The following SYNE1 variants were observed in gnomAD, a reference collection of about 807,000 sequenced individuals.
SYNE1 encodes nesprin-1.
In SYNE1, 616 loss-of-function variants were observed where a neutral mutation model predicts 1,111.0. The ratio of observed to expected loss-of-function variants is 0.55; its 90% CI spans 0.52 to 0.59. SYNE1 has a LOEUF of 0.59. Ranked by LOEUF, SYNE1 falls within the 20% of genes least tolerant of loss-of-function variation. The pLI is 0.00. For synonymous variants in SYNE1, 3,855 were observed against 3,825.8 expected (o/e 1.01, Z -0.28); for missense variants, 10,006 against 10,417.0 (o/e 0.96, Z 1.72).
chr6:152,411,746 C>A (rs905588629), intron 42 of SYNE1, among the ~76,000 whole-genome samples: 1 of 151,466 alleles, frequency 6.6e-6, no homozygotes, highest in Non-Finnish European at 1.5e-5. Context: ...CACACACACA[C>A]AGAGATGGCT....
intron 3 of SYNE1, among the ~76,000 whole-genome samples, chr6:152,550,135 C>A (rs986133146): frequency 7.2e-5 from 11 of 152,038 alleles, no homozygotes; most frequent in African/African-American, 2.7e-4. Flanking sequence ...TGAAAAGTGA[C>A]AAAATATAGT....
chr6:152,160,325 A>G (rs1315294538), intron 131 of SYNE1, among the ~76,000 whole-genome samples: 1 of 151,880 alleles, frequency 6.6e-6, no homozygotes, highest in Non-Finnish European at 1.5e-5. Context: ...AACTAATAAA[A>G]CTCCTTCCGG....
chr6:152,358,397 A>G lies in SYNE1; in HGVS notation c.10584T>C (p.His3528=). 6.2e-7 allele frequency: 1 copy of G among 1,612,812 alleles called. No homozygotes were observed. The highest frequency in any genetic ancestry group is 8.5e-7 in the Non-Finnish European group (1 of 1,178,828). Residue 3528 remains histidine (H), a synonymous_variant, in exon 66 of 146, where the codon CAT becomes CAC. Coordinates refer to ENST00000367255, the MANE Select transcript of SYNE1 (RefSeq NM_182961.4). ...YSVLEGDAHT[H]ETTLRDLQEL... is the part of the protein sequence containing the mutation. ...CCTGAAGATCACGCAATGTTGTCTC[A>G]TGAGTGTGGGCATCACCTTCAAGAA...
chr6:152,386,738 G>A (rs1057146040), intron 54 of SYNE1, among the ~76,000 whole-genome samples: 3 of 152,070 alleles, frequency 2.0e-5, no homozygotes, highest in Non-Finnish European at 4.4e-5. Flanking sequence ...ACAAATATAA[G>A]TGTAGCAAAA....
chr6:152,417,092 T>C, intron 40 of SYNE1, 77 bp from the exon 41 acceptor site: 1 of 1,594,296 alleles, frequency 6.3e-7, no homozygotes, highest in Non-Finnish European at 8.5e-7. Flanking sequence ...GGATTTGTGA[T>C]GTGAAGATCT....
At position 152,371,909 on chromosome 6, in the gene SYNE1, A is replaced by AC. The variant is rs2097194947; in HGVS notation, c.9507+1127_9507+1128insG. The stretch of plus-strand genomic sequence containing the variant: ...AAAGGAAAGGAAAGGAAAGGAAAGG[A>AC]AAGGAAAGGAAAGGACAGGACAGGA... On this transcript the variant is annotated intron_variant, in intron 59 of 145. Coordinates refer to ENST00000367255, the MANE Select transcript of SYNE1 (RefSeq NM_182961.4). Among the ~76,000 whole-genome samples the AC allele has an allele frequency of 1.0e-3, 71 of 70,034 alleles. 6 individuals carry two copies. The highest frequency in any genetic ancestry group is 2.5e-3 in the African/African-American group (60 of 23,994). 45.9% of individuals were successfully genotyped at this position (70,034 alleles called of 152,430 possible).
chr6:152,402,274 A>G (rs531567538), intron 46 of SYNE1: 1 of 152,428 alleles, frequency 6.6e-6, no homozygotes, highest in South Asian at 2.1e-4. Context: ...GAAGTTCCCT[A>G]GACACGACAG....
rs1320012360 is a variant in SYNE1 at position 152,256,750 on chromosome 6, T to A, written c.18988A>T (p.Asn6330Tyr). 2 of 1,613,870 alleles carry A rather than the reference T, an allele frequency of 1.2e-6. No homozygotes were observed. The highest frequency in any genetic ancestry group is 1.7e-6 in the Non-Finnish European group (2 of 1,179,820). The change falls in exon 102 of 146, where the codon AAT becomes TAT. Residue 6330 changes from asparagine (N) to tyrosine (Y), a missense_variant. Asn to Tyr is a moderately radical substitution (Grantham distance 143). Coordinates refer to ENST00000367255, the MANE Select transcript of SYNE1 (RefSeq NM_182961.4). ...AGTGGCACACCAGACAAGAGTCGAT[T>A]TGGCCTGCTATAAAGCTGTAGGCAA... ...EQEQVLYSRP[N>Y]RLLSGVPLYK...
At chr6:152,429,103 A>AATAATAAT (rs1466804451) in intron 36 of SYNE1, among the ~76,000 whole-genome samples, 1 of 143,312 alleles carries the variant, frequency 7.0e-6, no homozygotes, top group Non-Finnish European at 1.6e-5. Flanking sequence ...TAATAATAAT[A>AATAATAAT]ATAATAATAA....
At chr6:152,371,925 C>CAGGAA (rs1563463269) in intron 59 of SYNE1, among the ~76,000 whole-genome samples, 9 of 33,928 alleles carry the variant, frequency 2.7e-4, no homozygotes, top group African/African-American at 7.7e-4. Flanking sequence ...AAGGAAAGGA[C>CAGGAA]AGGACAGGAC....
chr6:152,404,075 A>G (rs1452743966), intron 46 of SYNE1, 138 bp downstream of exon 46: 1 of 519,684 alleles, frequency 1.9e-6, no homozygotes, highest in South Asian at 2.6e-5. Context: ...TGTATCAGAT[A>G]TAGATATATA....
chr6:152,449,581 A>C lies in SYNE1; in HGVS notation c.3456T>G (p.Gly1152=). 2 of 1,614,078 alleles carry C rather than the reference A, an allele frequency of 1.2e-6. No individual in the cohort carries two copies. Among genetic ancestry groups the C allele is most frequent in the Non-Finnish European group, 8.5e-7 (1 of 1,179,996 alleles). Reference sequence around the variant, plus strand: ...CGTGGTTGGCAGTATCGATGGCCTCACCCTTGATCCCCTTTAATTGTGTCT... The same window carrying C: ...CGTGGTTGGCAGTATCGATGGCCTCCCCCTTGATCCCCTTTAATTGTGTCT... ...TNETQLKGIK[G]EAIDTANHGE... The change falls in exon 28 of 146, where the codon GGT becomes GGG. Residue 1152 remains glycine (G), a synonymous_variant. Transcript: ENST00000367255.
chr6:152,122,958 C>T (rs2051878610), intron 145 of SYNE1, among the ~76,000 whole-genome samples: 1 of 152,236 alleles, frequency 6.6e-6, no homozygotes, highest in South Asian at 2.1e-4. Context: ...GAAACATTTT[C>T]TATCAACGAA....
intron 100 of SYNE1, among the ~76,000 whole-genome samples, chr6:152,265,428 T>G (rs1345006495): frequency 6.6e-6 from 1 of 152,124 alleles, no homozygotes; most frequent in Non-Finnish European, 1.5e-5. Context: ...TACCTTCAGT[T>G]GAGTGTCTAT....
intron 104 of SYNE1, among the ~76,000 whole-genome samples, chr6:152,251,758 C>CA (rs1018543764): frequency 5.3e-5 from 8 of 149,848 alleles, no homozygotes; most frequent in Admixed American, 2.0e-4. Context: ...GACTCCGTCT[C>CA]AAAAAAAATA....
intron 3 of SYNE1, among the ~76,000 whole-genome samples, chr6:152,605,010 GA>G (rs2099609189): frequency 2.8e-5 from 1 of 35,378 alleles, no homozygotes; most frequent in African/African-American, 1.6e-4. Flanking sequence ...GAAAGAAAGA[GA>G]GAGAGAGAGA....
intron 40 of SYNE1, among the ~76,000 whole-genome samples, chr6:152,418,866 A>G (rs1380372377): frequency 1.3e-5 from 2 of 152,172 alleles, no homozygotes; most frequent in Admixed American, 6.5e-5. Context: ...GCATAATAAG[A>G]CAGCCTTTGT....
At chr6:152,327,430 TAA>T (rs956677823) in intron 78 of SYNE1, among the ~76,000 whole-genome samples, 3 of 152,074 alleles carry the variant, frequency 2.0e-5, no homozygotes, top group Non-Finnish European at 2.9e-5. Flanking sequence ...GTATACAGAC[TAA>T]AATAGAAAAG....
chr6:152,628,936 C>T (rs79698815), intron 2 of SYNE1, among the ~76,000 whole-genome samples: 1 of 152,128 alleles, frequency 6.6e-6, no homozygotes, highest in African/African-American at 2.4e-5. Flanking sequence ...ATTTAGCCTG[C>T]TTTGCACATG....
Sources: allele counts gnomAD v4.1 joint callset (sites outside exome capture counted in the v4.1 genomes callset), GRCh38; gene constraint gnomAD v4.1.1; transcripts MANE v1.5; gene names NCBI Gene and HGNC (gene_info 2026-07-23, HGNC 2026-07-21).